Variants in GABRG3 observed in about 807,000 individuals in gnomAD.
GABRG3 encodes gamma-aminobutyric acid type A receptor subunit gamma3.
Under a neutral mutation model 48.8 loss-of-function variants are expected in GABRG3, and 25 were observed. The ratio of observed to expected loss-of-function variants is 0.51; its 90% CI spans 0.37 to 0.72. The LOEUF is 0.72. GABRG3 is among the 30% of genes least tolerant of loss of function. The pLI, the probability that GABRG3 is intolerant of heterozygous loss-of-function variation, is 0.00. For missense variants in GABRG3, 394 were observed against 577.9 expected, an observed-to-expected ratio of 0.68 and a Z score of 3.26; for synonymous variants, 227 against 217.6, an observed-to-expected ratio of 1.04 and a Z score of -0.38.
chr15:27,050,894 T>G (rs1445452214), intron 3 of GABRG3, among the ~76,000 whole-genome samples: 2 of 152,188 alleles, frequency 1.3e-5, no homozygotes, highest in Non-Finnish European at 2.9e-5. Flanking sequence ...ATGTTTAATA[T>G]CATGGTCCTG....
intron 3 of GABRG3, among the ~76,000 whole-genome samples, chr15:27,131,222 C>CT (rs1484979116): frequency 6.6e-6 from 1 of 151,990 alleles, no homozygotes; most frequent in Non-Finnish European, 1.5e-5. Context: ...TGTTCTGAGT[C>CT]TTTGAGTGCT....
rs1302962423 is a variant in GABRG3 at position 27,535,914 on chromosome 15, G to A, written c.*3033G>A. 1 of 152,286 alleles carries A rather than the reference G, an allele frequency of 6.6e-6. No individual in the cohort carries two copies. The highest frequency in any genetic ancestry group is 2.4e-5 in the African/African-American group (1 of 41,466). 9.4% of individuals were successfully genotyped at this position (152,286 alleles called of 1,614,324 possible). On this transcript the variant is annotated 3_prime_UTR_variant, in exon 10 of 10. Transcript: ENST00000615808. Reference sequence around the variant, plus strand: ...CAGGATGCCTGATCAGGAGGGACGTGTGTGGGCACGAGGTGCAAGGCTGTT... The same window carrying A: ...CAGGATGCCTGATCAGGAGGGACGTATGTGGGCACGAGGTGCAAGGCTGTT...
At chr15:27,361,621 G>C (rs150176392) in intron 5 of GABRG3, among the ~76,000 whole-genome samples, 21 of 152,300 alleles carry the variant, frequency 1.4e-4, no homozygotes, top group African/African-American at 4.8e-4. Context: ...TCAGAGCCCA[G>C]GGAGAGGTTT....
chr15:27,212,126 GTCAAGT>G (rs957984558), intron 3 of GABRG3, among the ~76,000 whole-genome samples: 187 of 152,328 alleles, frequency 1.2e-3, no homozygotes, highest in Admixed American at 1.8e-3. Context: ...TCAAGCTGAT[GTCAAGT>G]CTAGAGAAAA....
intron 5 of GABRG3, among the ~76,000 whole-genome samples, chr15:27,373,148 C>G (rs1895469858): frequency 6.6e-6 from 1 of 152,180 alleles, no homozygotes; most frequent in African/African-American, 2.4e-5. Context: ...AACTCTTAAT[C>G]AGGAAAAGGT....
chr15:27,350,533 C>T (rs190069522), intron 5 of GABRG3: 53 of 219,584 alleles, frequency 2.4e-4, no homozygotes, highest in African/African-American at 9.8e-4. Flanking sequence ...ATGGCGAAGG[C>T]GTGGGAGAGC....
chr15:27,499,994 G>A (rs749841941), intron 6 of GABRG3, among the ~76,000 whole-genome samples: 4 of 152,148 alleles, frequency 2.6e-5, no homozygotes, highest in Non-Finnish European at 4.4e-5. Flanking sequence ...GTGTGTCCCC[G>A]CTGCAAAAAG....
intron 5 of GABRG3, among the ~76,000 whole-genome samples, chr15:27,356,193 C>G (rs1274244571): frequency 6.6e-6 from 1 of 152,048 alleles, no homozygotes; most frequent in African/African-American, 2.4e-5. Flanking sequence ...AATTACACTT[C>G]ACCTTTGATT....
rs1894873400 is a variant in GABRG3 at position 27,357,285 on chromosome 15, A to G, written c.574+28397A>G. Among the ~76,000 whole-genome samples, 2 of 152,314 alleles carry G rather than the reference A, an allele frequency of 1.3e-5. 1 individual carries two copies. The highest frequency in any genetic ancestry group is 4.1e-4 in the South Asian group (2 of 4,832). ...ATTTCTTAAGATCCACTGAGTCTCA[A>G]TAGAATCTACATTAGCAGCCATGAA... On this transcript the variant is annotated intron_variant, in intron 5 of 9. Transcript: ENST00000615808.
intron 3 of GABRG3, among the ~76,000 whole-genome samples, chr15:27,058,798 C>T (rs1896596725): frequency 1.3e-5 from 2 of 152,168 alleles, no homozygotes; most frequent in South Asian, 4.1e-4. Context: ...AAGTGATTAG[C>T]ACTGTCTATA....
At chr15:27,123,789 A>T (rs1055977109) in intron 3 of GABRG3, among the ~76,000 whole-genome samples, 2 of 152,074 alleles carry the variant, frequency 1.3e-5, no homozygotes, top group African/African-American at 4.8e-5. Context: ...ATGATAATGG[A>T]GGCATTGCTG....
intron 3 of GABRG3, among the ~76,000 whole-genome samples, chr15:27,252,735 A>G (rs1890499620): frequency 6.6e-6 from 1 of 152,226 alleles, no homozygotes; most frequent in African/African-American, 2.4e-5. Context: ...TGTATCTGGA[A>G]GAGATTTCTG....
At chr15:27,130,184 C>T (rs1897891993) in intron 3 of GABRG3, among the ~76,000 whole-genome samples, 1 of 151,956 alleles carries the variant, frequency 6.6e-6, no homozygotes, top group Admixed American at 6.6e-5. Context: ...TAAGTTTTAG[C>T]TGGTATATGT....
intron 5 of GABRG3, among the ~76,000 whole-genome samples, chr15:27,383,490 G>A (rs1040984758): frequency 1.3e-5 from 2 of 151,986 alleles, no homozygotes; most frequent in South Asian, 4.2e-4. Context: ...TCATTTAGTT[G>A]CCCAGAAAAA....
chr15:27,206,619 T>C (rs1391891618), intron 3 of GABRG3, among the ~76,000 whole-genome samples: 1 of 152,218 alleles, frequency 6.6e-6, no homozygotes, highest in African/African-American at 2.4e-5. Context: ...TATTCTGCCT[T>C]GATTATAGGT....
chr15:27,146,524 A>G (rs1898212690), intron 3 of GABRG3, among the ~76,000 whole-genome samples: 1 of 152,124 alleles, frequency 6.6e-6, no homozygotes, highest in Non-Finnish European at 1.5e-5. Flanking sequence ...TTCCTCCCTC[A>G]ATATTTTTAT....
At chr15:27,306,642 A>G (rs1277264946) in intron 3 of GABRG3, among the ~76,000 whole-genome samples, 2 of 65,958 alleles carry the variant, frequency 3.0e-5, no homozygotes, top group Non-Finnish European at 6.8e-5. Context: ...ATATATTTAT[A>G]TATAAACATA....
At chr15:27,506,235 GGATTTGACTCCCAT>G (rs1890757475) in intron 6 of GABRG3, among the ~76,000 whole-genome samples, 1 of 152,248 alleles carries the variant, frequency 6.6e-6, no homozygotes, top group Non-Finnish European at 1.5e-5. Context: ...TGAACTTGAT[GGATTTGACTCCCAT>G]GACTAAGTTA....
chr15:27,357,561 A>G (rs969024935), intron 5 of GABRG3, among the ~76,000 whole-genome samples: 1 of 152,206 alleles, frequency 6.6e-6, no homozygotes, highest in Non-Finnish European at 1.5e-5. Flanking sequence ...ACACATTTCT[A>G]AAAAAATAAC....
Sources: allele counts gnomAD v4.1 joint callset (sites outside exome capture counted in the v4.1 genomes callset), GRCh38; gene constraint gnomAD v4.1.1; transcripts MANE v1.5; gene names NCBI Gene and HGNC (gene_info 2026-07-23, HGNC 2026-07-21).